The following FGF14 variants were observed in gnomAD, a reference collection of about 807,000 sequenced individuals.
FGF14 encodes fibroblast growth factor 14, also known as fibroblast growth factor homologous factor 4.
FGF14 carries 5 observed loss-of-function variants against 25.5 expected under a neutral mutation model. That is an observed-to-expected ratio of 0.20 (90% CI 0.10 to 0.41). The LOEUF (loss-of-function observed/expected upper bound fraction) is 0.41. FGF14 is among the 10% of genes least tolerant of loss of function. The pLI is 1.00. For missense variants in FGF14, 222 were observed against 320.1 expected (o/e 0.69, Z 2.34); for synonymous variants, 138 against 118.3 (o/e 1.17, Z -1.08).
intron 1 of FGF14, among the ~76,000 whole-genome samples, chr13:102,311,283 G>T (rs2055752479): frequency 6.6e-6 from 1 of 152,126 alleles, no homozygotes; most frequent in Non-Finnish European, 1.5e-5. Context: ...CTCTTGGCCT[G>T]GTTTCTGGGC....
chr13:102,324,621 T>C (rs2138783518), intron 1 of FGF14, among the ~76,000 whole-genome samples: 1 of 152,204 alleles, frequency 6.6e-6, no homozygotes, highest in East Asian at 1.9e-4. Context: ...TCAAAAAACG[T>C]CAGTTCATGG....
At chr13:102,092,822 C>T (rs1038091638) in intron 1 of FGF14, among the ~76,000 whole-genome samples, 1 of 151,954 alleles carries the variant, frequency 6.6e-6, no homozygotes, top group East Asian at 1.9e-4. Context: ...ACCAGAGCGG[C>T]CTTTAAGGTT....
At chr13:102,311,672 C>T (rs1372208879) in intron 1 of FGF14, among the ~76,000 whole-genome samples, 1 of 152,212 alleles carries the variant, frequency 6.6e-6, no homozygotes, top group Non-Finnish European at 1.5e-5. Flanking sequence ...AAAAAGACAG[C>T]GTGTAACACA....
In FGF14 at chr13:101,721,254, A is replaced by C. The variant is rs2034961423; in HGVS notation, c.*1577T>G. ...AGTATGAAACATTTTGAACCCCTTT[A>C]GATCCAATATTGAACATTTTGCATG... On this transcript the variant is annotated 3_prime_UTR_variant, in exon 5 of 5. Transcript: ENST00000376143. 6.6e-6 allele frequency: 1 copy of C among 152,174 alleles called. No homozygotes were observed. The highest frequency in any genetic ancestry group is 2.4e-5 in the African/African-American group (1 of 41,452). 9.4% of individuals were successfully genotyped at this position (152,174 alleles called of 1,614,324 possible).
rs1393248854 is a variant in FGF14 at position 102,352,578 on chromosome 13, C to T, written c.208+48893G>A. Among the ~76,000 whole-genome samples the T allele has an allele frequency of 2.6e-5, 4 of 152,084 alleles. No homozygotes were observed. The East Asian group carries it at 5.8e-4, about 22-fold the overall frequency. Reference sequence around the variant, plus strand: ...CTGTAATCCCAGCACGTTGGGAGGCCGAGGCGGGCGGATCACGAGGTCAGG... The same window carrying T: ...CTGTAATCCCAGCACGTTGGGAGGCTGAGGCGGGCGGATCACGAGGTCAGG... On this transcript the variant is annotated intron_variant, in intron 1 of 4. Transcript: ENST00000376131.
At chr13:102,300,393 ACAAATGTC>A (rs2054968318) in intron 1 of FGF14, 1 of 151,146 alleles carries the variant, frequency 6.6e-6, no homozygotes, top group Non-Finnish European at 1.5e-5. Context: ...ACATTTCTAA[ACAAATGTC>A]CATATGTACC....
chr13:102,309,572 C>G (rs2055617854), intron 1 of FGF14, among the ~76,000 whole-genome samples: 1 of 152,088 alleles, frequency 6.6e-6, no homozygotes. Flanking sequence ...ACAAAAGGAC[C>G]ATACAATTTG....
intron 1 of FGF14, among the ~76,000 whole-genome samples, chr13:102,306,964 G>C (rs971653796): frequency 2.0e-5 from 3 of 152,098 alleles, no homozygotes; most frequent in Non-Finnish European, 2.9e-5. Context: ...AGGACCTCGA[G>C]ATGGAAAGAG....
intron 3 of FGF14, among the ~76,000 whole-genome samples, chr13:101,839,499 T>C (rs944678488): frequency 4.6e-5 from 7 of 152,114 alleles, no homozygotes; most frequent in South Asian, 2.1e-4. Context: ...AGGTTTAGGA[T>C]AGCCTCAGAA....
At chr13:102,228,458 T>A (rs1458365049) in intron 1 of FGF14, among the ~76,000 whole-genome samples, 2 of 152,212 alleles carry the variant, frequency 1.3e-5, no homozygotes, top group Non-Finnish European at 2.9e-5. Flanking sequence ...TAAAGAAGCT[T>A]GAAACTAAAA....
chr13:101,900,021 TTAG>T (rs762421499), intron 1 of FGF14, among the ~76,000 whole-genome samples: 5 of 152,166 alleles, frequency 3.3e-5, no homozygotes, highest in Non-Finnish European at 7.4e-5. Context: ...GTCTAGAAAT[TTAG>T]TAATTTTTTG....
At chr13:102,331,397 G>A (rs760835464) in intron 1 of FGF14, among the ~76,000 whole-genome samples, 9 of 152,144 alleles carry the variant, frequency 5.9e-5, no homozygotes, top group Non-Finnish European at 1.3e-4. Flanking sequence ...TCACATGTGT[G>A]CATCATCAGC....
chr13:102,076,939 TA>T (rs1199344879), intron 1 of FGF14, among the ~76,000 whole-genome samples: 1 of 152,010 alleles, frequency 6.6e-6, no homozygotes, highest in African/African-American at 2.4e-5. Flanking sequence ...AACAGACACA[TA>T]CATCAATGGA....
chr13:102,118,218 A>G lies in FGF14; in HGVS notation c.209-242922T>C, dbSNP rs137944337. Among the ~76,000 whole-genome samples the G allele has an allele frequency of 6.4e-4, 98 of 152,150 alleles. No homozygotes were observed. In the Middle Eastern group the frequency reaches 0.01, roughly 16 times the overall value. On this transcript the variant is annotated intron_variant, in intron 1 of 4. Coordinates refer to the FGF14 transcript ENST00000376131. Reference sequence around the variant, plus strand: ...TGTATAGGATAAATAAATATATTGTATACGATAAATAATTTTGACATCATT... The same window carrying G: ...TGTATAGGATAAATAAATATATTGTGTACGATAAATAATTTTGACATCATT...
At chr13:102,167,459 A>C (rs1324303909) in intron 1 of FGF14, among the ~76,000 whole-genome samples, 2 of 151,894 alleles carry the variant, frequency 1.3e-5, no homozygotes, top group African/African-American at 4.8e-5. Context: ...CTCTGCCTGG[A>C]TTTTCTGGCT....
At chr13:102,124,083 G>A (rs1023072220) in intron 1 of FGF14, among the ~76,000 whole-genome samples, 1 of 151,930 alleles carries the variant, frequency 6.6e-6, no homozygotes, top group African/African-American at 2.4e-5. Flanking sequence ...ATAATTTGAA[G>A]GCAAAAAGCA....
intron 1 of FGF14, among the ~76,000 whole-genome samples, chr13:101,895,060 AAT>A (rs577194937): frequency 2.4e-4 from 36 of 152,298 alleles, no homozygotes; most frequent in African/African-American, 7.9e-4. Flanking sequence ...TTATTTGCTG[AAT>A]ATATCCTCAG....
chr13:102,196,927 C>G (rs200370249), intron 1 of FGF14, among the ~76,000 whole-genome samples: 1 of 151,180 alleles, frequency 6.6e-6, no homozygotes, highest in East Asian at 1.9e-4. Flanking sequence ...TTTGAAGAGT[C>G]CACACCTGAG....
At chr13:102,372,181 G>T (rs1352011654) in intron 1 of FGF14, among the ~76,000 whole-genome samples, 1 of 152,090 alleles carries the variant, frequency 6.6e-6, no homozygotes, top group Non-Finnish European at 1.5e-5. Flanking sequence ...AAATAGTAAT[G>T]TATTAGTCTA....
Sources: gnomAD v4.1 joint callset for allele counts (sites outside exome capture counted in the v4.1 genomes callset) on GRCh38, gnomAD v4.1.1 for gene constraint, MANE v1.5 for transcripts, NCBI Gene and HGNC (gene_info 2026-07-23, HGNC 2026-07-21) for gene names.